The following APOL5 variants were observed in gnomAD, a reference collection of about 807,000 sequenced individuals.
APOL5 encodes apolipoprotein L5.
In APOL5, 29 loss-of-function variants were observed where a neutral mutation model predicts 35.5. The ratio of observed to expected loss-of-function variants is 0.82; its 90% CI spans 0.61 to 1.11. APOL5 has a LOEUF of 1.11. Ranked by LOEUF, APOL5 falls within the 50% of genes most tolerant of loss-of-function variation. The pLI is 0.00. For synonymous variants in APOL5, 188 were observed against 200.2 expected (o/e 0.94, Z 0.51); for missense variants, 514 against 530.4 (o/e 0.97, Z 0.30).
chr22:35,715,951 CA>C (rs1470401175), upstream of APOL5, among the ~76,000 whole-genome samples: 5 of 151,852 alleles, frequency 3.3e-5, no homozygotes, highest in Admixed American at 6.6e-5. Context: ...ATAATTATAA[CA>C]AAAAATAATT....
chr22:35,716,001 G>C (rs1262050610), upstream of APOL5, among the ~76,000 whole-genome samples: 1 of 152,008 alleles, frequency 6.6e-6, no homozygotes, highest in Non-Finnish European at 1.5e-5. Flanking sequence ...GTATCAAATT[G>C]GGTCAAAATC....
intron 2 of APOL5, among the ~76,000 whole-genome samples, chr22:35,724,250 C>T (rs66987903): frequency 0.26 from 38,124 of 148,724 alleles, 5,459 homozygotes; most frequent in Middle Eastern, 0.33. Flanking sequence ...CCCAGGAGTT[C>T]GAGGCCAGCC....
the APOL5 span, among the ~76,000 whole-genome samples, chr22:35,712,786 T>G: frequency 6.6e-6 from 1 of 152,226 alleles, no homozygotes; most frequent in Non-Finnish European, 1.5e-5. Flanking sequence ...ACCTGGGCCT[T>G]CTACCTGAAT....
chr22:35,729,256 T>C (rs1178484059), intron 4 of APOL5, 98 bp from the exon 5 acceptor site: 1 of 192,876 alleles, frequency 5.2e-6, no homozygotes, highest in African/African-American at 2.4e-5. Context: ...CGCCCAGCCC[T>C]GTAATATGTG....
At chr22:35,720,688 C>T (rs567801962) in intron 2 of APOL5, 34 bp downstream of exon 2, 1 of 1,431,556 alleles carries the variant, frequency 7.0e-7, no homozygotes, top group East Asian at 2.3e-5. Flanking sequence ...ATGCTTATGG[C>T]CACAATCCCA....
the APOL5 span, among the ~76,000 whole-genome samples, chr22:35,708,882 G>A: frequency 5.9e-5 from 9 of 152,296 alleles, no homozygotes; most frequent in East Asian, 1.7e-3. Context: ...TGGACTACTC[G>A]AGAGGTAGCT....
upstream of APOL5, among the ~76,000 whole-genome samples, chr22:35,717,504 C>T (rs1926793576): frequency 6.6e-6 from 1 of 150,794 alleles, no homozygotes; most frequent in Non-Finnish European, 1.5e-5. Context: ...TTTTGAGAGG[C>T]CAAGGCGGGC....
chr22:35,711,615 C>CTTCCTTCCTTCT, the APOL5 span, among the ~76,000 whole-genome samples: 18 of 142,744 alleles, frequency 1.3e-4, no homozygotes, highest in African/African-American at 3.4e-4. Flanking sequence ...TCCTTCCTTC[C>CTTCCTTCCTTCT]TTCCTTCCTT....
the APOL5 span, among the ~76,000 whole-genome samples, chr22:35,711,696 A>G: frequency 1.0e-5 from 1 of 97,014 alleles, no homozygotes; most frequent in African/African-American, 3.9e-5. Flanking sequence ...TCCTTCCCTC[A>G]CGGAGTTTTG....
upstream of APOL5, among the ~76,000 whole-genome samples, chr22:35,714,384 G>A (rs531739221): frequency 5.1e-4 from 77 of 152,266 alleles, no homozygotes; most frequent in African/African-American, 1.8e-3. Context: ...CCAGTTTTGT[G>A]GTCAGTCCAG....
chr22:35,716,617 T>C (rs1926751593), upstream of APOL5, among the ~76,000 whole-genome samples: 1 of 152,208 alleles, frequency 6.6e-6, no homozygotes, highest in Non-Finnish European at 1.5e-5. Flanking sequence ...AGCTCAATAA[T>C]ATAGATGAGT....
the APOL5 span, among the ~76,000 whole-genome samples, chr22:35,709,068 T>C: frequency 1.3e-5 from 2 of 152,208 alleles, no homozygotes; most frequent in Admixed American, 6.5e-5. Context: ...TTAAATGATA[T>C]GTCAGTCAAA....
chr22:35,728,732 C>G lies in APOL5; in HGVS notation c.1136C>G (p.Ser379Ter). 1 of 1,612,162 alleles carries G rather than the reference C, an allele frequency of 6.2e-7. No individual in the cohort carries two copies. The highest frequency in any genetic ancestry group is 1.7e-5 in the Admixed American group (1 of 59,794). The part of the protein sequence containing the change: ...SRVVKPEGSR[S>*]PLPWPVVEHQ... ...GACTCATGTTCCACAGGGTCTCGCT[C>G]ACCTCTCCCCTGGCCTGTTGTGGAG... The change falls in exon 4 of 5, where the codon TCA becomes TGA. Residue 379 changes from serine (S) to a stop codon, truncating the protein, a stop_gained. Transcript: ENST00000249044. LOFTEE classifies it high-confidence loss of function.
At chr22:35,726,076 G>T (rs1439990096) in intron 2 of APOL5, 135 bp from the exon 3 acceptor site, 6 of 949,180 alleles carry the variant, frequency 6.3e-6, no homozygotes, top group Non-Finnish European at 9.3e-6. Flanking sequence ...AAGCCGGTTA[G>T]GTCAGACCCC....
Position 35,729,473 on chromosome 22 carries a change from T to C in APOL5, c.*126T>C, listed in dbSNP as rs1316773571. ...ATGATAAAACCAGCAGCAATGATAA[T>C]AGAAGGCAAACTTGCAATGGTCTGT... is the stretch of plus-strand genomic sequence containing the variant. On this transcript the variant is annotated 3_prime_UTR_variant, in exon 5 of 5. Coordinates refer to ENST00000249044, the MANE Select transcript of APOL5 (RefSeq NM_030642.1). 2.0e-5 allele frequency: 3 copies of C among 152,006 alleles called. No homozygotes were observed. Among genetic ancestry groups the C allele is most frequent in the East Asian group, 1.9e-4 (1 of 5,186 alleles). 9.4% of individuals were successfully genotyped at this position (152,006 alleles called of 1,614,324 possible). A position where few individuals can be genotyped will look rare whatever the true frequency, so the allele number is the denominator to read the frequency against.
At chr22:35,723,137 T>C (rs992069426) in intron 2 of APOL5, among the ~76,000 whole-genome samples, 6 of 152,218 alleles carry the variant, frequency 3.9e-5, no homozygotes, top group African/African-American at 1.4e-4. Flanking sequence ...CAGAGGATTC[T>C]AAGGCTGTTG....
intron 2 of APOL5, among the ~76,000 whole-genome samples, chr22:35,725,277 GTTT>G (rs1014264317): frequency 6.6e-6 from 1 of 151,718 alleles, no homozygotes; most frequent in African/African-American, 2.4e-5. Flanking sequence ...TTTTTGTTTT[GTTT>G]TTTTAGATGA....
At chr22:35,710,590 G>T in the APOL5 span, among the ~76,000 whole-genome samples, 1 of 151,860 alleles carries the variant, frequency 6.6e-6, no homozygotes, top group East Asian at 1.9e-4. Flanking sequence ...AAGGGTACAG[G>T]TCAGTGGCAT....
chr22:35,717,235 A>AAAAAAAAATATATAT, upstream of APOL5, among the ~76,000 whole-genome samples: 11 of 57,662 alleles, frequency 1.9e-4, no homozygotes, highest in African/African-American at 8.7e-4. Flanking sequence ...AAAAAAAAAA[A>AAAAAAAAATATATAT]ATATATATAT....
Sources: gnomAD v4.1 joint callset for allele counts (sites outside exome capture counted in the v4.1 genomes callset) on GRCh38, gnomAD v4.1.1 for gene constraint, MANE v1.5 for transcripts, NCBI Gene and HGNC (gene_info 2026-07-23, HGNC 2026-07-21) for gene names.